PTPN21: variants seen among roughly 807,000 people sequenced by gnomAD.
PTPN21 encodes protein tyrosine phosphatase non-receptor type 21.
Under a neutral mutation model 131.8 loss-of-function variants are expected in PTPN21, and 77 were observed. That is an observed-to-expected ratio of 0.58 (90% confidence interval 0.49 to 0.71). The LOEUF (loss-of-function observed/expected upper bound fraction) is 0.71, where lower values mean the gene tolerates loss of function less well. PTPN21 is among the 30% of genes least tolerant of loss of function. PTPN21 has a pLI of 0.00. For missense variants in PTPN21, 1,552 were observed against 1,527.1 expected (o/e 1.02, Z -0.27); for synonymous variants, 715 against 621.3 (o/e 1.15, Z -2.24).
intron 6 of PTPN21, among the ~76,000 whole-genome samples, chr14:88,501,857 C>T (rs1431605900): frequency 6.6e-6 from 1 of 151,700 alleles, no homozygotes; most frequent in Non-Finnish European, 1.5e-5. Flanking sequence ...TGGTGGTGCA[C>T]ATCTATAGTC....
intron 2 of PTPN21, among the ~76,000 whole-genome samples, chr14:88,519,145 A>T (rs1424844514): frequency 6.6e-6 from 1 of 152,318 alleles, no homozygotes; most frequent in South Asian, 2.1e-4. Flanking sequence ...AGATAAATCA[A>T]TACTAGCCCT....
chr14:88,545,815 C>A (rs1290220812), intron 2 of PTPN21, among the ~76,000 whole-genome samples: 1 of 151,882 alleles, frequency 6.6e-6, no homozygotes, highest in East Asian at 1.9e-4. Flanking sequence ...ACAAAATTAG[C>A]CGGGCGTGGT....
rs568218829 is a variant in PTPN21 at position 88,511,346 on chromosome 14, G to C, written c.351-3326C>G. On this transcript the variant is annotated intron_variant, in intron 3 of 18. Transcript: ENST00000556564. ...TTTGCTAAAATTTCTATATATTGGT[G>C]GGGCTGAAGATGGCTTATAAATATG... Among the ~76,000 whole-genome samples the C allele has an allele frequency of 3.3e-5, 5 of 152,182 alleles. No homozygotes were observed. The South Asian group carries it at 6.2e-4, about 19-fold the overall frequency.
At chr14:88,533,767 A>C (rs1034798204) in intron 2 of PTPN21, among the ~76,000 whole-genome samples, 2 of 151,946 alleles carry the variant, frequency 1.3e-5, no homozygotes, top group Non-Finnish European at 2.9e-5. Flanking sequence ...CCCAACTAGG[A>C]GGCTGAGGCA....
chr14:88,468,010 C>G lies in PTPN21; in HGVS notation c.*127G>C. The G allele has an allele frequency of 1.7e-6, 2 of 1,205,702 alleles. No homozygotes were observed. Among genetic ancestry groups the G allele is most frequent in the South Asian group, 1.3e-5 (1 of 76,318 alleles). The allele number at this position is 1,205,702 out of a possible 1,614,324, so 74.7% of individuals were successfully genotyped here. On this transcript the variant is annotated 3_prime_UTR_variant, in exon 19 of 19. Transcript: ENST00000556564. Reference sequence around the variant, plus strand: ...CTTCAGCGTGCCGCCATTCAGACTGCGCCACTTACGTCCCAGTGCCACGCT... The same window carrying G: ...CTTCAGCGTGCCGCCATTCAGACTGGGCCACTTACGTCCCAGTGCCACGCT...
chr14:88,501,015 G>A lies in PTPN21; in HGVS notation c.676-144C>T, dbSNP rs971932395. On this transcript the variant is annotated intron_variant, in intron 7 of 18. Coordinates refer to ENST00000556564, the MANE Select transcript of PTPN21 (RefSeq NM_007039.4). ...TTCAGGAAGACAAAAGTCTGAATGA[G>A]ATCTATGATCTTATAGGTAAGTATA... The A allele has an allele frequency of 1.1e-5, 7 of 663,662 alleles. No homozygotes were observed. In the East Asian group the frequency reaches 1.3e-4, roughly 12 times the overall value. The allele number at this position is 663,662 out of a possible 1,614,324, so 41.1% of individuals were successfully genotyped here.
chr14:88,542,444 GACT>G (rs2139356859), intron 2 of PTPN21, among the ~76,000 whole-genome samples: 1 of 151,588 alleles, frequency 6.6e-6, no homozygotes, highest in African/African-American at 2.4e-5. Flanking sequence ...ATGGTCCTGA[GACT>G]ACACTACTGT....
chr14:88,495,644 G>A (rs967216736), intron 10 of PTPN21, among the ~76,000 whole-genome samples: 3 of 152,166 alleles, frequency 2.0e-5, no homozygotes, highest in Admixed American at 6.5e-5. Context: ...TTGGAGAAAA[G>A]GCCTCAGGAC....
chr14:88,499,129 A>AC (rs1417490579), intron 8 of PTPN21, among the ~76,000 whole-genome samples: 1 of 151,816 alleles, frequency 6.6e-6, no homozygotes, highest in Non-Finnish European at 1.5e-5. Context: ...CCTCTCCCTG[A>AC]CCCCCAACTC....
chr14:88,516,920 T>C (rs2078279577), intron 3 of PTPN21, among the ~76,000 whole-genome samples, 172 bp downstream of exon 3: 1 of 152,164 alleles, frequency 6.6e-6, no homozygotes, highest in Admixed American at 6.5e-5. Flanking sequence ...TTACCCAACA[T>C]GCAGTAAAAC....
chr14:88,497,310 G>T lies in PTPN21; in HGVS notation c.765-20C>A. 6.3e-7 allele frequency: 1 copy of T among 1,589,972 alleles called. No individual in the cohort carries two copies. Among genetic ancestry groups the T allele is most frequent in the African/African-American group, 1.3e-5 (1 of 74,488 alleles). ...TGCCACCTAAAGAACAGCAAATAGA[G>T]AACTGGCAATGTGAGTGCCCATGGG... On this transcript the variant is annotated intron_variant, in intron 8 of 18. Coordinates refer to ENST00000556564, the MANE Select transcript of PTPN21 (RefSeq NM_007039.4).
intron 2 of PTPN21, among the ~76,000 whole-genome samples, chr14:88,546,215 T>C (rs1274648246): frequency 1.3e-5 from 2 of 151,676 alleles, no homozygotes; most frequent in East Asian, 1.9e-4. Flanking sequence ...ACTACTGATA[T>C]AGCTGAAACC....
rs1305199132 is a variant in PTPN21, at chr14:88,466,879, C to T, written c.*1258G>A. On this transcript the variant is annotated 3_prime_UTR_variant, in exon 19 of 19. Coordinates refer to ENST00000556564, the MANE Select transcript of PTPN21 (RefSeq NM_007039.4). ...GGTGAAAACTATTATTAACTATTCC[C>T]TTCCTTCAACCAAAAGGAAAAATAC... The T allele has an allele frequency of 6.6e-6, 1 of 152,180 alleles. No individual in the cohort carries two copies. The highest frequency in any genetic ancestry group is 2.4e-5 in the African/African-American group (1 of 41,440). 9.4% of individuals were successfully genotyped at this position (152,180 alleles called of 1,614,324 possible).
At chr14:88,531,146 C>G (rs1458247543) in intron 2 of PTPN21, among the ~76,000 whole-genome samples, 1 of 152,104 alleles carries the variant, frequency 6.6e-6, no homozygotes, top group Non-Finnish European at 1.5e-5. Flanking sequence ...ACCCTCAAAA[C>G]TATATAAATA....
At chr14:88,482,347 G>A (rs912765917) in intron 12 of PTPN21, among the ~76,000 whole-genome samples, 4 of 152,196 alleles carry the variant, frequency 2.6e-5, no homozygotes, top group East Asian at 1.9e-4. Context: ...GCACACAGCC[G>A]TGTGCAGTGG....
At chr14:88,531,071 C>T (rs925360217) in intron 2 of PTPN21, among the ~76,000 whole-genome samples, 1 of 152,042 alleles carries the variant, frequency 6.6e-6, no homozygotes, top group East Asian at 1.9e-4. Flanking sequence ...TTAAAAAAAT[C>T]AAAATTACAT....
intron 2 of PTPN21, among the ~76,000 whole-genome samples, chr14:88,529,479 A>G (rs924208611): frequency 3.3e-5 from 5 of 152,140 alleles, no homozygotes; most frequent in Non-Finnish European, 7.3e-5. Context: ...ATGACCAAAC[A>G]TAAGAATAAT....
At chr14:88,514,450 C>T (rs2078232687) in intron 3 of PTPN21, among the ~76,000 whole-genome samples, 1 of 151,210 alleles carries the variant, frequency 6.6e-6, no homozygotes, top group Non-Finnish European at 1.5e-5. Context: ...TGTTGTTCTC[C>T]CCCTTTGTTT....
intron 10 of PTPN21, among the ~76,000 whole-genome samples, chr14:88,491,242 T>C (rs566203261): frequency 4.6e-5 from 7 of 152,354 alleles, no homozygotes; most frequent in African/African-American, 1.7e-4. Flanking sequence ...TATGCCATTG[T>C]ATAAATACTA....
Sources: allele counts gnomAD v4.1 joint callset (sites outside exome capture counted in the v4.1 genomes callset), GRCh38; gene constraint gnomAD v4.1.1; transcripts MANE v1.5; gene names NCBI Gene and HGNC (gene_info 2026-07-23, HGNC 2026-07-21).